Variants in ANGPT1 observed in about 807,000 individuals in gnomAD.
The protein encoded by ANGPT1 is angiopoietin-1.
A neutral mutation model predicts 62.2 loss-of-function variants in ANGPT1; 17 were observed. The observed-to-expected ratio is 0.27, with a 90% CI of 0.19 to 0.41. The LOEUF (loss-of-function observed/expected upper bound fraction) is 0.41, where lower values mean the gene tolerates loss of function less well. Ranked by LOEUF, ANGPT1 falls within the 10% of genes least tolerant of loss-of-function variation. ANGPT1 has a pLI of 1.00. For synonymous variants in ANGPT1, 199 were observed against 198.9 expected (o/e 1.00, Z 0.00); for missense variants, 478 against 594.9 (o/e 0.80, Z 2.04).
intron 1 of ANGPT1, among the ~76,000 whole-genome samples, chr8:107,366,643 T>C (rs770815391): frequency 8.5e-5 from 13 of 152,260 alleles, no homozygotes; most frequent in Non-Finnish European, 2.9e-5. Context: ...AACACTTCAA[T>C]TGGATGAACT....
intron 2 of ANGPT1, among the ~76,000 whole-genome samples, chr8:107,343,351 T>C (rs747866350): frequency 4.0e-5 from 6 of 151,046 alleles, no homozygotes; most frequent in Non-Finnish European, 7.4e-5. Flanking sequence ...GGAAGAAGAG[T>C]TGGGTGGAAG....
chr8:107,294,190 G>T, intron 5 of ANGPT1, 153 bp from the exon 6 acceptor site: 5 of 473,296 alleles, frequency 1.1e-5, no homozygotes, highest in Admixed American at 8.1e-5. Context: ...ATATATTATT[G>T]GTTATTTCTT....
chr8:107,421,722 G>T (rs1315431184), intron 1 of ANGPT1, among the ~76,000 whole-genome samples: 2 of 152,154 alleles, frequency 1.3e-5, no homozygotes. Flanking sequence ...GGGTTTCACA[G>T]GGAACACAAT....
intron 6 of ANGPT1, among the ~76,000 whole-genome samples, chr8:107,285,656 G>GAAA (rs1170404262): frequency 2.0e-5 from 3 of 151,966 alleles, no homozygotes; most frequent in Admixed American, 1.3e-4. Context: ...TTTGTAGGGA[G>GAAA]AAAAAAGTGG....
intron 7 of ANGPT1, among the ~76,000 whole-genome samples, chr8:107,277,627 A>C (rs1244526522): frequency 6.6e-6 from 1 of 152,228 alleles, no homozygotes; most frequent in African/African-American, 2.4e-5. Flanking sequence ...ACAAGTGATT[A>C]AGCTTAGCCC....
intron 1 of ANGPT1, among the ~76,000 whole-genome samples, chr8:107,477,001 A>G (rs1238291754): frequency 4.6e-5 from 7 of 152,104 alleles, no homozygotes; most frequent in African/African-American, 1.7e-4. Flanking sequence ...CACTCTCCAT[A>G]GCACCCCAGC....
At chr8:107,338,307 A>T (rs1815618306) in intron 2 of ANGPT1, among the ~76,000 whole-genome samples, 2 of 152,214 alleles carry the variant, frequency 1.3e-5, no homozygotes, top group African/African-American at 4.8e-5. Context: ...TAACATTTTT[A>T]AAATTTTACA....
chr8:107,331,611 G>A (rs918846443), intron 3 of ANGPT1, among the ~76,000 whole-genome samples: 1 of 152,238 alleles, frequency 6.6e-6, no homozygotes, highest in Non-Finnish European at 1.5e-5. Flanking sequence ...CTTGATTTCT[G>A]TGAGCCTCAG....
intron 1 of ANGPT1, among the ~76,000 whole-genome samples, chr8:107,381,455 G>A (rs2436559): frequency 0.34 from 52,267 of 151,974 alleles, 11,407 homozygotes; most frequent in African/African-American, 0.61. Context: ...ATAGCTTGGA[G>A]CCTGAGTAAT....
chr8:107,251,745 G>C lies in ANGPT1; in HGVS notation c.*110C>G. 10 of 1,346,278 alleles carry C rather than the reference G, an allele frequency of 7.4e-6. No individual in the cohort carries two copies. Among genetic ancestry groups the C allele is most frequent in the Non-Finnish European group, 1.0e-5 (10 of 979,780 alleles). 83.4% of individuals were successfully genotyped at this position (1,346,278 alleles called of 1,614,324 possible). On this transcript the variant is annotated 3_prime_UTR_variant, in exon 9 of 9. Transcript: ENST00000517746. ...TGACTTCACATAACTACCACTTATT[G>C]CTGGAAGGGAGACAATATTGTTTGC...
intron 1 of ANGPT1, among the ~76,000 whole-genome samples, chr8:107,351,583 ATAT>A (rs1815934323): frequency 6.6e-6 from 1 of 151,496 alleles, no homozygotes; most frequent in Admixed American, 6.6e-5. Context: ...ATATATTATA[ATAT>A]TTATAATATT....
At chr8:107,492,203 C>T (rs769637349) in intron 1 of ANGPT1, among the ~76,000 whole-genome samples, 35 of 152,164 alleles carry the variant, frequency 2.3e-4, no homozygotes, top group Non-Finnish European at 5.0e-4. Context: ...ATTTCTACAA[C>T]TCGATTTAAA....
intron 7 of ANGPT1, 92 bp from the exon 8 acceptor site, chr8:107,264,443 C>A: frequency 1.2e-5 from 18 of 1,463,078 alleles, no homozygotes; most frequent in Non-Finnish European, 1.6e-5. Context: ...CCTTTTTCAT[C>A]ATTTTCTTCT....
rs769591961 is a variant in ANGPT1 at position 107,317,632 on chromosome 8, TTA to T, written c.808+4262_808+4263del. Among the ~76,000 whole-genome samples the T allele has an allele frequency of 2.3e-3, 131 of 56,012 alleles. 1 individual carries two copies. The highest frequency in any genetic ancestry group is 6.5e-3 in the African/African-American group (82 of 12,624). The allele number at this position is 56,012 out of a possible 152,430, so 36.7% of individuals were successfully genotyped here. On this transcript the variant is annotated intron_variant, in intron 4 of 8. Coordinates refer to ENST00000517746, the MANE Select transcript of ANGPT1 (RefSeq NM_001146.5). The stretch of plus-strand genomic sequence containing the variant: ...ATAACCAGTGAATTTATTTTTATTT[TTA>T]TTTTTTTTTTTTTTGAGACAGAGTC...
chr8:107,404,995 G>A (rs938269711), intron 1 of ANGPT1, among the ~76,000 whole-genome samples: 8 of 151,756 alleles, frequency 5.3e-5, no homozygotes, highest in African/African-American at 1.9e-4. Context: ...TTTATATTGG[G>A]CTATTATTTC....
At chr8:107,425,115 C>T (rs1042568035) in intron 1 of ANGPT1, among the ~76,000 whole-genome samples, 1 of 152,194 alleles carries the variant, frequency 6.6e-6, no homozygotes, top group Admixed American at 6.5e-5. Flanking sequence ...CCTTGTGATC[C>T]ACCCACCTCA....
At chr8:107,479,462 G>A (rs1006169436) in intron 1 of ANGPT1, among the ~76,000 whole-genome samples, 1 of 152,126 alleles carries the variant, frequency 6.6e-6, no homozygotes, top group South Asian at 2.1e-4. Flanking sequence ...TTTCATTCAA[G>A]TCCAGATTCT....
chr8:107,410,227 C>T (rs1277479766), intron 1 of ANGPT1, among the ~76,000 whole-genome samples: 4 of 152,210 alleles, frequency 2.6e-5, no homozygotes, highest in African/African-American at 9.7e-5. Flanking sequence ...TTACCTTCAA[C>T]TTCAAGGGTC....
chr8:107,348,766 A>G (rs1815867230), intron 1 of ANGPT1, among the ~76,000 whole-genome samples: 1 of 152,060 alleles, frequency 6.6e-6, no homozygotes, highest in Non-Finnish European at 1.5e-5. Flanking sequence ...TTTTCCTAAT[A>G]GCATTCTTTA....
Sources: gnomAD v4.1 joint callset for allele counts (sites outside exome capture counted in the v4.1 genomes callset) on GRCh38, gnomAD v4.1.1 for gene constraint, MANE v1.5 for transcripts, NCBI Gene and HGNC (gene_info 2026-07-23, HGNC 2026-07-21) for gene names.